The following EFR3A variants were observed in gnomAD, a reference collection of about 807,000 sequenced individuals.
The protein encoded by EFR3A is EFR3 homolog A, also known as protein EFR3 homolog A.
In EFR3A, 76 loss-of-function variants were observed where a neutral mutation model predicts 104.4. That is an observed-to-expected ratio of 0.73 (90% CI 0.60 to 0.88). The LOEUF is 0.88. Among genes scored for constraint, EFR3A ranks in the 40% least tolerant of loss-of-function variants. The pLI is 0.00. For synonymous variants in EFR3A, 330 were observed against 330.0 expected, an observed-to-expected ratio of 1.00 and a Z score of 0.00; for missense variants, 985 against 1,012.5, an observed-to-expected ratio of 0.97 and a Z score of 0.37.
In EFR3A at chr8:132,012,600, T is replaced by G. The variant is rs1304496859; in HGVS notation, c.*1705T>G. The G allele has an allele frequency of 6.6e-6, 1 of 152,506 alleles. No individual in the cohort carries two copies. The highest frequency in any genetic ancestry group is 1.5e-5 in the Non-Finnish European group (1 of 68,004). 9.4% of individuals were successfully genotyped at this position (152,506 alleles called of 1,614,324 possible). ...CAAGTTGTATTTTTTTAATTGCCCT[T>G]TTTTCCTTCTGTATTTTTAAAGAAG... On this transcript the variant is annotated 3_prime_UTR_variant, in exon 23 of 23. Transcript: ENST00000254624.
intron 16 of EFR3A, 109 bp from the exon 17 acceptor site, chr8:131,986,085 C>A: frequency 2.1e-6 from 1 of 484,092 alleles, no homozygotes; most frequent in Non-Finnish European, 3.6e-6. Context: ...GATGTTATTT[C>A]TTATAAATGT....
chr8:132,010,449 T>TATATATAA (rs1326843233), intron 22 of EFR3A, among the ~76,000 whole-genome samples: 5 of 128,414 alleles, frequency 3.9e-5, no homozygotes, highest in African/African-American at 5.8e-5. Flanking sequence ...TATATATATA[T>TATATATAA]AATGAAATAC....
At chr8:131,934,103 G>A (rs1817751645) in intron 1 of EFR3A, among the ~76,000 whole-genome samples, 1 of 152,120 alleles carries the variant, frequency 6.6e-6, no homozygotes, top group African/African-American at 2.4e-5. Context: ...CCTTTTAAAA[G>A]GAACACTTTT....
At chr8:131,930,397 G>A (rs909083481) in intron 1 of EFR3A, among the ~76,000 whole-genome samples, 2 of 149,714 alleles carry the variant, frequency 1.3e-5, no homozygotes, top group African/African-American at 2.4e-5. Context: ...TCTAGCCATT[G>A]CATGTAAAAT....
At chr8:131,996,612 TC>T in intron 19 of EFR3A, 115 bp downstream of exon 19, 4 of 563,874 alleles carry the variant, frequency 7.1e-6, no homozygotes, top group Non-Finnish European at 9.2e-6. Flanking sequence ...TATCCTCAAA[TC>T]AACTAAATTA....
At chr8:131,952,954 A>G (rs147876865) in intron 5 of EFR3A, among the ~76,000 whole-genome samples, 2 of 152,352 alleles carry the variant, frequency 1.3e-5, no homozygotes, top group African/African-American at 2.4e-5. Context: ...TAGATAGCAG[A>G]AAGAAAGGAA....
At position 131,953,812 on chromosome 8, in the gene EFR3A, T is replaced by TA; in HGVS notation, c.489-6_489-5insA. 3.4e-6 allele frequency: 5 copies of TA among 1,490,902 alleles called. No homozygotes were observed. The highest frequency in any genetic ancestry group is 2.6e-5 in the Admixed American group (1 of 38,000). The allele number at this position is 1,490,902 out of a possible 1,614,324, so 92.4% of individuals were successfully genotyped here. On this transcript the variant is annotated splice_polypyrimidine_tract_variant and splice_region_variant and intron_variant, in intron 5 of 22. Coordinates refer to ENST00000254624, the MANE Select transcript of EFR3A (RefSeq NM_015137.6). Reference sequence around the variant, plus strand: ...TCATTTTCTTCCTTTTTTTTTTTTTTTATAGGATACGAATTGCTGGAATTA... The same window carrying TA: ...TCATTTTCTTCCTTTTTTTTTTTTTTATATAGGATACGAATTGCTGGAATTA...
intron 1 of EFR3A, among the ~76,000 whole-genome samples, chr8:131,919,573 G>A (rs934101934): frequency 1.4e-5 from 2 of 146,112 alleles, no homozygotes; most frequent in African/African-American, 5.1e-5. Context: ...TCCAGCCTGG[G>A]CGACAGAGCA....
chr8:131,972,106 A>G (rs1366476768), intron 10 of EFR3A, among the ~76,000 whole-genome samples: 1 of 152,064 alleles, frequency 6.6e-6, no homozygotes, highest in African/African-American at 2.4e-5. Context: ...TGTATGTAGG[A>G]ATGCATGTAT....
chr8:131,935,174 TC>T (rs1209867267), intron 1 of EFR3A, among the ~76,000 whole-genome samples: 1 of 152,198 alleles, frequency 6.6e-6, no homozygotes, highest in African/African-American at 2.4e-5. Flanking sequence ...GTTGGAAAAA[TC>T]ATATCATTCT....
At chr8:131,949,658 C>A (rs1412351525) in intron 4 of EFR3A, among the ~76,000 whole-genome samples, 2 of 151,360 alleles carry the variant, frequency 1.3e-5, no homozygotes, top group South Asian at 2.1e-4. Context: ...AAAATTAAAT[C>A]AAAAAATTAG....
intron 1 of EFR3A, among the ~76,000 whole-genome samples, chr8:131,939,337 C>T (rs533389040): frequency 1.8e-4 from 28 of 152,220 alleles, no homozygotes; most frequent in African/African-American, 6.0e-4. Flanking sequence ...TGTTCTTTAA[C>T]CCATGGCTGT....
chr8:131,941,601 G>A (rs532779154), intron 2 of EFR3A, among the ~76,000 whole-genome samples: 2 of 152,174 alleles, frequency 1.3e-5, no homozygotes, highest in South Asian at 4.1e-4. Flanking sequence ...TCCAGTAACT[G>A]ACATAAAGCA....
At chr8:131,998,254 A>G (rs1821595769) in intron 19 of EFR3A, among the ~76,000 whole-genome samples, 2 of 152,080 alleles carry the variant, frequency 1.3e-5, no homozygotes, top group South Asian at 4.1e-4. Flanking sequence ...CATCAGATAG[A>G]TATTTTACCA....
intron 8 of EFR3A, among the ~76,000 whole-genome samples, chr8:131,966,296 G>C (rs569834258): frequency 6.6e-6 from 1 of 152,142 alleles, no homozygotes; most frequent in Non-Finnish European, 1.5e-5. Context: ...TATTTATACT[G>C]TGAAGAGCAT....
intron 4 of EFR3A, among the ~76,000 whole-genome samples, chr8:131,949,613 G>T (rs180842523): frequency 1.3e-5 from 2 of 152,036 alleles, no homozygotes; most frequent in African/African-American, 4.8e-5. Context: ...AGAGCAGCCT[G>T]GGCAACATAG....
Position 131,940,586 on chromosome 8 carries a change from C to G in EFR3A, c.87+11C>G, listed in dbSNP as rs753506610. 8.1e-6 allele frequency: 13 copies of G among 1,599,406 alleles called. No homozygotes were observed. The highest frequency in any genetic ancestry group is 1.0e-5 in the Non-Finnish European group (12 of 1,172,580). On this transcript the variant is annotated intron_variant, in intron 2 of 22. Transcript: ENST00000254624. ...CCTGAAGATCCAAAAGTAATTTGATCTACATCTACTGATCCTTCTCTTTGC... is the reference window on the plus strand; with the variant it reads ...CCTGAAGATCCAAAAGTAATTTGATGTACATCTACTGATCCTTCTCTTTGC...
intron 18 of EFR3A, among the ~76,000 whole-genome samples, chr8:131,990,251 T>C (rs755831034): frequency 3.3e-5 from 5 of 152,226 alleles, no homozygotes; most frequent in Non-Finnish European, 7.3e-5. Context: ...CATTATATAA[T>C]TTTTCTCTAA....
chr8:131,914,789 TC>T (rs1816670502), intron 1 of EFR3A, among the ~76,000 whole-genome samples: 1 of 152,174 alleles, frequency 6.6e-6, no homozygotes, highest in South Asian at 2.1e-4. Context: ...AGTTATTTTT[TC>T]TGCTCCTCTC....
Sources: allele counts gnomAD v4.1 joint callset (sites outside exome capture counted in the v4.1 genomes callset), GRCh38; gene constraint gnomAD v4.1.1; transcripts MANE v1.5; gene names NCBI Gene and HGNC (gene_info 2026-07-23, HGNC 2026-07-21).